DNAH11: variants seen among roughly 807,000 people sequenced by gnomAD.
DNAH11 encodes dynein axonemal heavy chain 11, also known as axonemal beta dynein heavy chain 11.
In DNAH11, 442 loss-of-function variants were observed where a neutral mutation model predicts 526.0. The ratio of observed to expected loss-of-function variants is 0.84; its 90% CI spans 0.78 to 0.91. The LOEUF is 0.91. Among genes scored for constraint, DNAH11 ranks in the 40% least tolerant of loss-of-function variants. DNAH11 has a pLI of 0.00. For synonymous variants in DNAH11, 2,461 were observed against 1,935.9 expected, an observed-to-expected ratio of 1.27 and a Z score of -7.12; for missense variants, 6,989 against 5,448.7, an observed-to-expected ratio of 1.28 and a Z score of -8.90.
intron 64 of DNAH11, 74 bp from the exon 65 acceptor site, chr7:21,818,143 T>C: frequency 6.9e-7 from 1 of 1,444,868 alleles, no homozygotes; most frequent in Non-Finnish European, 9.4e-7. Flanking sequence ...TAAATATAAT[T>C]TGATCATTTA....
chr7:21,765,460 G>T lies in DNAH11; in HGVS notation c.8973G>T (p.Thr2991=), dbSNP rs200978576. ...IILCFSPVGR[T]LRVRARKFPA... Reference sequence around the variant, plus strand: ...TGTGTTTCTCTCCAGTTGGTCGCACGCTGAGAGTTAGAGCTCGGAAGTTCC... The same window carrying T: ...TGTGTTTCTCTCCAGTTGGTCGCACTCTGAGAGTTAGAGCTCGGAAGTTCC... Residue 2991 remains threonine (T), a synonymous_variant, in exon 55 of 82, where the codon ACG becomes ACT. Coordinates refer to ENST00000409508, the MANE Select transcript of DNAH11 (RefSeq NM_001277115.2). 1.2e-6 allele frequency: 2 copies of T among 1,613,814 alleles called. No homozygotes were observed. Among genetic ancestry groups the T allele is most frequent in the South Asian group, 2.2e-5 (2 of 91,070 alleles).
intron 34 of DNAH11, 109 bp downstream of exon 34, chr7:21,687,636 T>C: frequency 7.6e-7 from 1 of 1,321,226 alleles, no homozygotes; most frequent in Non-Finnish European, 1.0e-6. Context: ...ATGAAATAGA[T>C]AAAGGAAGAT....
At position 21,591,576 on chromosome 7, in the gene DNAH11, A is replaced by AGG; in HGVS notation, c.2667_2667+1dup. 3 of 1,548,002 alleles carry AGG rather than the reference A, an allele frequency of 1.9e-6. No homozygotes were observed. Among genetic ancestry groups the AGG allele is most frequent in the Non-Finnish European group, 2.6e-6 (3 of 1,145,486 alleles). On this transcript the variant is annotated frameshift_variant and splice_region_variant, in exon 14 of 82. Transcript: ENST00000409508. LOFTEE classifies it high-confidence loss of function. ...GGCTGCAAGATCCACAACTTGGTCG[A>AGG]GGTAATGGCTTTTAACCTTTCAAGA...
At chr7:21,806,514 A>C (rs760133397) in intron 62 of DNAH11, among the ~76,000 whole-genome samples, 1 of 152,210 alleles carries the variant, frequency 6.6e-6, no homozygotes, top group South Asian at 2.1e-4. Context: ...TTCACATGCT[A>C]ATTTCATGAC....
intron 77 of DNAH11, 71 bp from the exon 78 acceptor site, chr7:21,894,552 G>A: frequency 6.9e-7 from 1 of 1,457,078 alleles, no homozygotes; most frequent in South Asian, 1.3e-5. Flanking sequence ...TCAAAAAGTA[G>A]AGGATATACA....
At chr7:21,806,811 C>T (rs776131688) in intron 62 of DNAH11, among the ~76,000 whole-genome samples, 1 of 152,036 alleles carries the variant, frequency 6.6e-6, no homozygotes, top group Non-Finnish European at 1.5e-5. Flanking sequence ...TATTCAAATC[C>T]AATATTAAGG....
chr7:21,696,384 A>T (rs901787023), intron 35 of DNAH11, among the ~76,000 whole-genome samples: 1 of 152,198 alleles, frequency 6.6e-6, no homozygotes, highest in African/African-American at 2.4e-5. Context: ...TAGTTAATCA[A>T]TTGTGCTAAC....
rs929310782 is a variant in DNAH11, at chr7:21,550,585, T to C, written c.495+5436T>C. ...CATTTTAAAGATTAGTTTGGTGATA[T>C]ACTTTTGGAGAGTTTGATTCATTCT... On this transcript the variant is annotated intron_variant, in intron 2 of 81. Transcript: ENST00000409508. 3.4e-4 allele frequency among the ~76,000 whole-genome samples: 52 copies of C among 152,300 alleles called. No homozygotes were observed. In the Middle Eastern group the frequency reaches 0.01, roughly 30 times the overall value.
intron 2 of DNAH11, among the ~76,000 whole-genome samples, chr7:21,553,710 T>C (rs1243300669): frequency 1.3e-5 from 2 of 152,222 alleles, no homozygotes; most frequent in African/African-American, 2.4e-5. Context: ...TTCACCTCTT[T>C]CTTTGTGTCG....
intron 30 of DNAH11, among the ~76,000 whole-genome samples, chr7:21,667,221 T>C (rs933520977): frequency 3.7e-4 from 57 of 152,152 alleles, no homozygotes; most frequent in Admixed American, 3.7e-3. Context: ...TTGTCCCCAG[T>C]ACAAAGCCCT....
At chr7:21,643,561 A>G (rs1469926683) in intron 28 of DNAH11, among the ~76,000 whole-genome samples, 1 of 152,222 alleles carries the variant, frequency 6.6e-6, no homozygotes, top group African/African-American at 2.4e-5. Flanking sequence ...AGCACTTGAA[A>G]TGTGGCAGCT....
At chr7:21,682,048 G>A (rs763195398) in intron 31 of DNAH11, among the ~76,000 whole-genome samples, 1 of 152,274 alleles carries the variant, frequency 6.6e-6, no homozygotes, top group Admixed American at 6.5e-5. Context: ...AAGATTATGT[G>A]TATGTGATTT....
chr7:21,835,466 A>C (rs984990317), intron 65 of DNAH11, among the ~76,000 whole-genome samples: 1 of 152,218 alleles, frequency 6.6e-6, no homozygotes, highest in African/African-American at 2.4e-5. Context: ...AACATACACA[A>C]ATCAATAAAT....
At chr7:21,691,356 G>C (rs965927632) in intron 35 of DNAH11, among the ~76,000 whole-genome samples, 2 of 151,462 alleles carry the variant, frequency 1.3e-5, no homozygotes, top group Non-Finnish European at 2.9e-5. Context: ...GGGCTGGGGT[G>C]GGGGGAGCAG....
intron 43 of DNAH11, among the ~76,000 whole-genome samples, chr7:21,718,769 CTT>C (rs1051033166): frequency 6.6e-6 from 1 of 152,124 alleles, no homozygotes; most frequent in Non-Finnish European, 1.5e-5. Context: ...TTTCTAAGTA[CTT>C]TGTTACCATT....
intron 8 of DNAH11, among the ~76,000 whole-genome samples, chr7:21,579,479 C>T (rs187067914): frequency 1.3e-5 from 2 of 152,214 alleles, no homozygotes; most frequent in East Asian, 1.9e-4. Context: ...TTACATAGGG[C>T]CCCTTTCCAG....
chr7:21,743,774 G>C (rs1054479345), intron 49 of DNAH11, among the ~76,000 whole-genome samples: 1 of 152,166 alleles, frequency 6.6e-6, no homozygotes, highest in Non-Finnish European at 1.5e-5. Flanking sequence ...AGGACTGCCT[G>C]CTCACCCTTC....
rs78893702 is a variant in DNAH11 at position 21,724,706 on chromosome 7, G to A, written c.7267-1105G>A. Among the ~76,000 whole-genome samples, 34 of 29,152 alleles carry A rather than the reference G, an allele frequency of 1.2e-3. No individual in the cohort carries two copies. The East Asian group carries it at 0.039, about 33-fold the overall frequency. 19.1% of individuals were successfully genotyped at this position (29,152 alleles called of 152,430 possible). A position where few individuals can be genotyped will look rare whatever the true frequency, so the allele number is the denominator to read the frequency against. On this transcript the variant is annotated intron_variant, in intron 44 of 81. Coordinates refer to ENST00000409508, the MANE Select transcript of DNAH11 (RefSeq NM_001277115.2). The stretch of plus-strand genomic sequence containing the variant: ...ACTGGGCCAGGTCATCTGTGGATAT[G>A]GGAGTAACTGGGCCAGGTCATCCTA...
In DNAH11 at chr7:21,653,171, C is replaced by T. The variant is rs117093391; in HGVS notation, c.4945-2661C>T. On this transcript the variant is annotated intron_variant, in intron 28 of 81. Transcript: ENST00000409508. ...GATTACAGGTATGAGCCACTGCACC[C>T]AGCCTAATCTATTCTTTTTAGTTGT... Among the ~76,000 whole-genome samples the T allele has an allele frequency of 5.9e-3, 898 of 152,290 alleles. 18 individuals carry two copies. Among genetic ancestry groups the T allele is most frequent in the East Asian group, 0.047 (244 of 5,184 alleles).
Sources: gnomAD v4.1 joint callset for allele counts (sites outside exome capture counted in the v4.1 genomes callset) on GRCh38, gnomAD v4.1.1 for gene constraint, MANE v1.5 for transcripts, NCBI Gene and HGNC (gene_info 2026-07-23, HGNC 2026-07-21) for gene names.